The following DYSF variants were observed in gnomAD, a reference collection of about 807,000 sequenced individuals.
DYSF encodes dystrophy-associated fer-1-like 1.
DYSF carries 212 observed loss-of-function variants against 274.9 expected under a neutral mutation model. The observed-to-expected ratio is 0.77, with a 90% CI of 0.69 to 0.86. The LOEUF (loss-of-function observed/expected upper bound fraction) is 0.86, where lower values mean the gene tolerates loss of function less well. DYSF is among the 40% of genes least tolerant of loss of function. The probability of loss-of-function intolerance (pLI) is 0.00; values close to 1 mark genes in which losing one functional copy is unlikely to be tolerated. For synonymous variants in DYSF, 1,091 were observed against 1,078.7 expected (o/e 1.01, Z -0.22); for missense variants, 2,666 against 2,783.2 (o/e 0.96, Z 0.95).
intron 3 of DYSF, among the ~76,000 whole-genome samples, chr2:71,495,597 C>T (rs1306772226): frequency 6.6e-6 from 1 of 152,088 alleles, no homozygotes; most frequent in African/African-American, 2.4e-5. Context: ...TCCTTTGGGG[C>T]ATTTGGGAGA....
intron 41 of DYSF, among the ~76,000 whole-genome samples, chr2:71,639,589 A>G (rs1390891954): frequency 6.6e-6 from 1 of 152,178 alleles, no homozygotes; most frequent in African/African-American, 2.4e-5. Flanking sequence ...AGGTTGTGTA[A>G]TGTTTAATCA....
In DYSF at chr2:71,535,359, C is replaced by T. The variant is rs199921872; in HGVS notation, c.1493+48C>T. On this transcript the variant is annotated intron_variant, in intron 16 of 55. Transcript: ENST00000410020. ...TTTAGGGCGGGCTGTCCTGAGGGGG[C>T]GCTGGGTCCCTCAGTTTCATTCGGC... 101 of 1,563,188 alleles carry T rather than the reference C, an allele frequency of 6.5e-5. No individual in the cohort carries two copies. Among genetic ancestry groups the T allele is most frequent in the Admixed American group, 6.2e-4 (37 of 59,948 alleles).
At chr2:71,469,192 T>C (rs1241058912) in intron 1 of DYSF, among the ~76,000 whole-genome samples, 2 of 152,092 alleles carry the variant, frequency 1.3e-5, no homozygotes, top group African/African-American at 4.8e-5. Flanking sequence ...CGCTCCCCAT[T>C]GCGGGAGCAT....
intron 1 of DYSF, among the ~76,000 whole-genome samples, chr2:71,459,364 G>A (rs1164275139): frequency 7.2e-5 from 11 of 152,304 alleles, no homozygotes; most frequent in East Asian, 5.8e-4. Context: ...TGCCTTCCTC[G>A]ATGGTCAGGA....
At chr2:71,671,081 A>G (rs1261634065) in intron 51 of DYSF, among the ~76,000 whole-genome samples, 2 of 152,184 alleles carry the variant, frequency 1.3e-5, no homozygotes, top group Non-Finnish European at 2.9e-5. Flanking sequence ...TCCCCTCTGC[A>G]TGGCCCTTCC....
Position 71,564,119 on chromosome 2 carries a change from A to G in DYSF, c.2471A>G (p.Tyr824Cys). 2 of 1,614,270 alleles carry G rather than the reference A, an allele frequency of 1.2e-6. No individual in the cohort carries two copies. Among genetic ancestry groups the G allele is most frequent in the Admixed American group, 1.7e-5 (1 of 60,030 alleles). ...WMLQGDKRVA[Y>C]QRVPAHQVLF... The stretch of plus-strand genomic sequence containing the variant: ...CTGCAGGGAGACAAGCGTGTGGCAT[A>G]CCAGCGGGTGCCCGCCCACCAAGTC... The change falls in exon 24 of 56, where the codon TAC (tyrosine) becomes TGC (cysteine). Residue 824 changes from tyrosine (Y) to cysteine (C), a missense_variant. By Grantham distance (194) the Tyr-to-Cys change is radical (BLOSUM62 -2). Transcript: ENST00000410020.
At chr2:71,557,909 G>A (rs1158130959) in intron 22 of DYSF, among the ~76,000 whole-genome samples, 4 of 151,966 alleles carry the variant, frequency 2.6e-5, no homozygotes, top group African/African-American at 7.3e-5. Context: ...GCGGGTGCCT[G>A]TAATCCCAGC....
intron 41 of DYSF, among the ~76,000 whole-genome samples, chr2:71,621,591 A>G (rs1037156855): frequency 4.9e-5 from 7 of 143,770 alleles, no homozygotes; most frequent in Non-Finnish European, 1.1e-4. Flanking sequence ...ATTTAAAAGT[A>G]TATATGAATA....
In DYSF at chr2:71,564,145, C is replaced by T. The variant is rs1559168029; in HGVS notation, c.2497C>T (p.Leu833Phe). Residue 833 changes from leucine (L) to phenylalanine (F), a missense_variant, in exon 24 of 56, where the codon CTC becomes TTC. Leu to Phe is a conservative substitution (Grantham distance 22). This residue lies in a region of DYSF where 412 missense variants were observed against 504.0 expected (regional missense o/e 0.82). Transcript: ENST00000410020. ...AYQRVPAHQV[L>F]FSRRGANYCG... ...CCAGCGGGTGCCCGCCCACCAAGTC[C>T]TCTTCTCCCGGCGGGGTGCCAACTA... 6.2e-7 allele frequency: 1 copy of T among 1,614,278 alleles called. No homozygotes were observed. The highest frequency in any genetic ancestry group is 1.7e-5 in the Admixed American group (1 of 60,038).
chr2:71,583,854 G>C (rs945821191), intron 30 of DYSF, among the ~76,000 whole-genome samples: 1 of 152,196 alleles, frequency 6.6e-6, no homozygotes, highest in Non-Finnish European at 1.5e-5. Flanking sequence ...GCAGACTCAG[G>C]TGAGTTTGGC....
At chr2:71,638,157 C>G (rs13387541) in intron 41 of DYSF, among the ~76,000 whole-genome samples, 1 of 151,662 alleles carries the variant, frequency 6.6e-6, no homozygotes. Context: ...TAGAAAGAAA[C>G]ACTTGAGATT....
At chr2:71,675,459 G>A (rs2095204141) in intron 52 of DYSF, among the ~76,000 whole-genome samples, 1 of 152,184 alleles carries the variant, frequency 6.6e-6, no homozygotes, top group African/African-American at 2.4e-5. Context: ...GAGAAGGTGA[G>A]TCGTTCTTAG....
At chr2:71,468,511 G>A (rs2081709717) in intron 1 of DYSF, among the ~76,000 whole-genome samples, 1 of 152,092 alleles carries the variant, frequency 6.6e-6, no homozygotes, top group African/African-American at 2.4e-5. Flanking sequence ...TATTGCCCTC[G>A]CCCAAGTACC....
At chr2:71,553,683 G>T in intron 20 of DYSF, 124 bp from the exon 21 acceptor site, 3 of 1,249,804 alleles carry the variant, frequency 2.4e-6, no homozygotes, top group African/African-American at 1.5e-5. Context: ...TGTCCCACGT[G>T]TGGTCCCTTT....
intron 22 of DYSF, among the ~76,000 whole-genome samples, chr2:71,558,057 C>T (rs72827546): frequency 0.051 from 7,725 of 152,082 alleles, 244 homozygotes; most frequent in Middle Eastern, 0.096. Flanking sequence ...AAATGACCCT[C>T]GTTTTACAGA....
At position 71,611,341 on chromosome 2, in the gene DYSF, A is replaced by G. The variant is rs146242836; in HGVS notation, c.4054A>G (p.Ile1352Val). Reference sequence around the variant, plus strand: ...CAAGCCAGCGCTCCAGCGTACCGCCATCGAGGTGAGCCGTCCGGGCCTGGG... The same window carrying G: ...CAAGCCAGCGCTCCAGCGTACCGCCGTCGAGGTGAGCCGTCCGGGCCTGGG... ...NIKPALQRTA[I>V]EILAWGLRNM... Residue 1352 changes from isoleucine to valine, a missense_variant, in exon 37 of 56, where the codon ATC becomes GTC. Ile to Val is a conservative substitution (Grantham distance 29, BLOSUM62 3). Around this residue, in one of 3 missense-constraint regions of DYSF, gnomAD observed 1,460 missense variants for 1,502.1 expected, o/e 0.97. Coordinates refer to ENST00000410020, the MANE Select transcript of DYSF (RefSeq NM_001130987.2). The G allele has an allele frequency of 1.2e-5, 19 of 1,613,836 alleles. No homozygotes were observed. In the African/African-American group the frequency reaches 2.1e-4, roughly 18 times the overall value.
chr2:71,556,079 G>T lies in DYSF; in HGVS notation c.2216+8G>T. 6.4e-7 allele frequency: 1 copy of T among 1,557,264 alleles called. No homozygotes were observed. The highest frequency in any genetic ancestry group is 8.7e-7 in the Non-Finnish European group (1 of 1,149,844). ...GCTCATCGCAGGCTGCAGGTAGGGG[G>T]GACCTGGCGCCCCTGGTGCCCACCT... On this transcript the variant is annotated splice_region_variant and intron_variant, in intron 22 of 55. Coordinates refer to ENST00000410020, the MANE Select transcript of DYSF (RefSeq NM_001130987.2).
At position 71,674,012 on chromosome 2, in the gene DYSF, G is replaced by A. The variant is rs2559080; in HGVS notation, c.5785-185G>A. On this transcript the variant is annotated intron_variant, in intron 51 of 55. Coordinates refer to ENST00000410020, the MANE Select transcript of DYSF (RefSeq NM_001130987.2). The stretch of plus-strand genomic sequence containing the variant: ...ACTGAGCCTGCACGGTGCCCTTTTG[G>A]GCCCTTGAACACTGCCTTCTGGGAT... Among the ~76,000 whole-genome samples, 31,503 of 151,948 alleles carry A rather than the reference G, an allele frequency of 0.21. 3,569 individuals carry two copies. Among genetic ancestry groups the A allele is most frequent in the Non-Finnish European group, 0.25 (16,892 of 67,924 alleles).
chr2:71,623,366 C>T lies in DYSF; in HGVS notation c.4527+2757C>T, dbSNP rs1006952118. ...ACAGTCCCCAGAGTGTGATATTCCC[C>T]TTCCTGTGTCCACGTGATCTCATTG... is the stretch of plus-strand genomic sequence containing the variant. On this transcript the variant is annotated intron_variant, in intron 41 of 55. Transcript: ENST00000410020. Among the ~76,000 whole-genome samples, 7 of 143,746 alleles carry T rather than the reference C, an allele frequency of 4.9e-5. No homozygotes were observed. In the South Asian group the frequency reaches 6.8e-4, roughly 14 times the overall value. The allele number at this position is 143,746 out of a possible 152,430, so 94.3% of individuals were successfully genotyped here.
Sources: gnomAD v4.1 joint callset for allele counts (sites outside exome capture counted in the v4.1 genomes callset) on GRCh38, gnomAD v4.1.1 for gene constraint, gnomAD v4.1.1 regional missense constraint, MANE v1.5 for transcripts, NCBI Gene and HGNC (gene_info 2026-07-23, HGNC 2026-07-21) for gene names.